HTRA3: variants seen among roughly 807,000 people sequenced by gnomAD.
HTRA3 encodes the protein HtrA serine peptidase 3, also known as serine protease HTRA3.
HTRA3 carries 41 observed loss-of-function variants against 43.2 expected under a neutral mutation model. The observed-to-expected ratio is 0.95, with a 90% CI of 0.74 to 1.23. HTRA3 has a LOEUF of 1.23. Among genes scored for constraint, HTRA3 ranks in the 50% most tolerant of loss-of-function variants. The pLI is 0.00. For synonymous variants in HTRA3, 295 were observed against 287.9 expected (o/e 1.02, Z -0.25); for missense variants, 628 against 647.1 (o/e 0.97, Z 0.32).
chr4:8,302,636 A>G (rs992013825), intron 7 of HTRA3, 125 bp downstream of exon 7: 5 of 856,000 alleles, frequency 5.8e-6, no homozygotes, highest in African/African-American at 3.3e-5. Flanking sequence ...CGATGCACTC[A>G]GGCCTCTGAC....
chr4:8,284,286 G>A (rs1166277164), intron 2 of HTRA3, among the ~76,000 whole-genome samples: 3 of 152,194 alleles, frequency 2.0e-5, no homozygotes, highest in Admixed American at 2.0e-4. Flanking sequence ...ATAACTGGAT[G>A]CACTAAGTGG....
In HTRA3 at chr4:8,302,496, G is replaced by T. The variant is rs776712915; in HGVS notation, c.1085G>T (p.Arg362Leu). 7 of 1,613,858 alleles carry T rather than the reference G, an allele frequency of 4.3e-6. No individual in the cohort carries two copies. In the South Asian group the frequency reaches 6.6e-5, roughly 15 times the overall value. ...WKKRFIGIRM[R>L]TITPSLVDEL... ...AAGCGCTTCATCGGCATACGGATGC[G>T]GACGATCACACCAAGGTGAGTGTCT... is the stretch of plus-strand genomic sequence containing the variant. Residue 362 changes from arginine to leucine, a missense_variant, in exon 7 of 9, where the codon CGG becomes CTG. Transcript: ENST00000307358.
Position 8,269,802 on chromosome 4 carries a change from C to CCCCTGCCG in HTRA3, c.-161_-154dup, listed in dbSNP as rs1170747408. ...CTGCGCTCCCTGCGCCCTGGGGATG[C>CCCCTGCCG]CCCTGCCGCCCTGACGCCCGCCAGC... On this transcript the variant is annotated 5_prime_UTR_variant, in exon 1 of 9. An upstream open reading frame in the 5' UTR loses its in-frame stop. Transcript: ENST00000307358. 1 of 171,050 alleles carries CCCCTGCCG rather than the reference C, an allele frequency of 5.8e-6. No homozygotes were observed. Among genetic ancestry groups the CCCCTGCCG allele is most frequent in the African/African-American group, 2.4e-5 (1 of 41,786 alleles). The allele number at this position is 171,050 out of a possible 1,614,324, so 10.6% of individuals were successfully genotyped here. A position where few individuals can be genotyped will look rare whatever the true frequency, so the allele number is the denominator to read the frequency against.
intron 3 of HTRA3, 85 bp from the exon 4 acceptor site, chr4:8,291,285 C>T: frequency 8.3e-7 from 1 of 1,198,488 alleles, no homozygotes; most frequent in Non-Finnish European, 1.2e-6. Context: ...TTCCCTGGGA[C>T]CCCCCTGCCA....
rs1350014851 is a variant in HTRA3, at chr4:8,306,178, A to G, written c.*42A>G. On this transcript the variant is annotated 3_prime_UTR_variant, in exon 9 of 9. Transcript: ENST00000307358. The surrounding 1 kb of genome is among the most constrained non-coding windows in gnomAD (Gnocchi z 8.9). ...GCGCCAAGCGTCAGAGCCTGCAGACAACGGAGGGCAGCGCCCCCCCGAGAT... is the reference window on the plus strand; with the variant it reads ...GCGCCAAGCGTCAGAGCCTGCAGACGACGGAGGGCAGCGCCCCCCCGAGAT... 6.6e-7 allele frequency: 1 copy of G among 1,523,472 alleles called. No homozygotes were observed. Among genetic ancestry groups the G allele is most frequent in the African/African-American group, 1.4e-5 (1 of 72,236 alleles). 94.4% of individuals were successfully genotyped at this position (1,523,472 alleles called of 1,614,324 possible). A position where few individuals can be genotyped will look rare whatever the true frequency, so the allele number is the denominator to read the frequency against.
chr4:8,275,773 G>A (rs1712495363), intron 1 of HTRA3, among the ~76,000 whole-genome samples: 1 of 152,224 alleles, frequency 6.6e-6, no homozygotes, highest in Non-Finnish European at 1.5e-5. Context: ...CACATCATTG[G>A]GGTATTGATG....
chr4:8,275,446 C>T (rs1013907437), intron 1 of HTRA3, among the ~76,000 whole-genome samples: 7 of 152,204 alleles, frequency 4.6e-5, no homozygotes, highest in African/African-American at 1.4e-4. Context: ...TCACCACAGC[C>T]GCAGACCCCT....
At chr4:8,282,671 C>T in intron 2 of HTRA3, 135 bp downstream of exon 2, 1 of 681,170 alleles carries the variant, frequency 1.5e-6, no homozygotes, top group Non-Finnish European at 2.6e-6. Context: ...AGGCTGACCT[C>T]AGTCACATCT....
Position 8,294,186 on chromosome 4 carries a change from GA to G in HTRA3, c.1037del (p.Asp346AlafsTer27). The G allele has an allele frequency of 6.2e-7, 1 of 1,611,508 alleles. No homozygotes were observed. The highest frequency in any genetic ancestry group is 8.5e-7 in the Non-Finnish European group (1 of 1,178,734). On this transcript the variant is annotated frameshift_variant, in exon 6 of 9. Coordinates refer to ENST00000307358, the MANE Select transcript of HTRA3 (RefSeq NM_053044.5). LOFTEE classifies it high-confidence loss of function. ...CACACGGTTCCTCACAGAGTTCCAAGACAAGCAGATCAAAGGTAAAGAGCTC... is the reference window on the plus strand; with the variant it reads ...CACACGGTTCCTCACAGAGTTCCAAGCAAGCAGATCAAAGGTAAAGAGCTC... ...RITRFLTEFQ[D>X]KQIKDWKKRF...
chr4:8,280,707 G>GGTTT (rs1712709959), intron 1 of HTRA3, among the ~76,000 whole-genome samples: 1 of 150,534 alleles, frequency 6.6e-6, no homozygotes, highest in Non-Finnish European at 1.5e-5. Context: ...CTGCCGCAGT[G>GGTTT]GTTTGATCTA....
rs140334986 is a variant in HTRA3 at position 8,285,561 on chromosome 4, G to A, written c.486-1000G>A. Among the ~76,000 whole-genome samples the A allele has an allele frequency of 3.3e-5, 5 of 152,322 alleles. No homozygotes were observed. The East Asian group carries it at 7.7e-4, about 24-fold the overall frequency. ...CTCATCTCTACTAAGCAGCCTCAGG[G>A]AGTGAGTACCTGCTCTGGGCTGGGC... On this transcript the variant is annotated intron_variant, in intron 2 of 8. Transcript: ENST00000307358.
Position 8,274,083 on chromosome 4 carries a change from C to T in HTRA3, c.385+3730C>T, listed in dbSNP as rs141316934. ...ATGACCTGCAGGCTTCCTTGCAAGG[C>T]ACCCCAGCACTTACCTTGACTCACA... On this transcript the variant is annotated intron_variant, in intron 1 of 8. Coordinates refer to ENST00000307358, the MANE Select transcript of HTRA3 (RefSeq NM_053044.5). 3.5e-4 allele frequency among the ~76,000 whole-genome samples: 53 copies of T among 152,326 alleles called. No homozygotes were observed. The East Asian group carries it at 9.5e-3, about 27-fold the overall frequency.
At chr4:8,294,771 T>TATCC (rs1276327801) in intron 6 of HTRA3, among the ~76,000 whole-genome samples, 3 of 9,858 alleles carry the variant, frequency 3.0e-4, no homozygotes, top group African/African-American at 1.2e-3. Context: ...CCCATCCACC[T>TATCC]ATCCATCCAT....
intron 6 of HTRA3, among the ~76,000 whole-genome samples, chr4:8,298,851 C>G (rs938147296): frequency 1.3e-5 from 2 of 152,198 alleles, no homozygotes; most frequent in African/African-American, 4.8e-5. Context: ...GGCCAATATT[C>G]AGTACTGCAC....
chr4:8,282,303 T>C, intron 1 of HTRA3, 134 bp from the exon 2 acceptor site: 1 of 701,498 alleles, frequency 1.4e-6, no homozygotes, highest in Non-Finnish European at 2.5e-6. Context: ...GGGCTCAGTG[T>C]GGGCTGAGGC....
chr4:8,302,254 A>T (rs544026182), intron 6 of HTRA3, among the ~76,000 whole-genome samples: 2 of 152,250 alleles, frequency 1.3e-5, no homozygotes, highest in South Asian at 4.2e-4. Flanking sequence ...GGCGAGCCAC[A>T]CTAGAGCTAG....
chr4:8,294,165 C>T lies in HTRA3; in HGVS notation c.1015C>T (p.Arg339Trp), dbSNP rs377511028. ...TGCCATCCCCTCAGACCGCATCACA[C>T]GGTTCCTCACAGAGTTCCAAGACAA... Reference protein sequence around the residue: ...SFAIPSDRITRFLTEFQDKQI... With the variant: ...SFAIPSDRITWFLTEFQDKQI... Residue 339 changes from arginine (R) to tryptophan (W), a missense_variant, in exon 6 of 9, where the codon CGG becomes TGG. Physicochemically the swap from Arg to Trp is moderately radical, Grantham distance 101. Transcript: ENST00000307358. 1.1e-5 allele frequency: 17 copies of T among 1,612,240 alleles called. No individual in the cohort carries two copies. Among genetic ancestry groups the T allele is most frequent in the African/African-American group, 6.7e-5 (5 of 74,812 alleles).
Position 8,306,209 on chromosome 4 carries a change from C to T in HTRA3, c.*73C>T, listed in dbSNP as rs1713843873. 10 of 1,450,072 alleles carry T rather than the reference C, an allele frequency of 6.9e-6. No individual in the cohort carries two copies. Among genetic ancestry groups the T allele is most frequent in the Non-Finnish European group, 8.3e-6 (9 of 1,086,548 alleles). 89.8% of individuals were successfully genotyped at this position (1,450,072 alleles called of 1,614,324 possible). On this transcript the variant is annotated 3_prime_UTR_variant, in exon 9 of 9. Transcript: ENST00000307358. This position sits in a 1 kb window ranked among gnomAD's most constrained non-coding sequence, Gnocchi z 8.9. ...GGGCAGCGCCCCCCCGAGATCAGGACGAAGGACCACCGTCGGTCCTCAGCA... is the reference window on the plus strand; with the variant it reads ...GGGCAGCGCCCCCCCGAGATCAGGATGAAGGACCACCGTCGGTCCTCAGCA...
At chr4:8,278,819 T>G (rs1251683292) in intron 1 of HTRA3, among the ~76,000 whole-genome samples, 1 of 152,218 alleles carries the variant, frequency 6.6e-6, no homozygotes, top group Non-Finnish European at 1.5e-5. Context: ...TCCTGGGCCA[T>G]AAAATGGGCG....
Sources: gnomAD v4.1 joint callset for allele counts (sites outside exome capture counted in the v4.1 genomes callset) on GRCh38, gnomAD v4.1.1 for gene constraint, Gnocchi (gnomAD v3.1) non-coding constraint, MANE v1.5 for transcripts, NCBI Gene and HGNC (gene_info 2026-07-23, HGNC 2026-07-21) for gene names.